CCSER1: variants seen among roughly 807,000 people sequenced by gnomAD.
CCSER1 encodes coiled-coil serine rich protein 1, also known as serine-rich coiled-coil domain-containing protein 1.
Under a neutral mutation model 82.0 loss-of-function variants are expected in CCSER1, and 41 were observed. The observed-to-expected ratio is 0.50, with a 90% CI of 0.39 to 0.65. The LOEUF (loss-of-function observed/expected upper bound fraction) is 0.65. Among genes scored for constraint, CCSER1 ranks in the 30% least tolerant of loss-of-function variants. The probability of loss-of-function intolerance (pLI) is 0.00; values close to 1 mark genes in which losing one functional copy is unlikely to be tolerated. For missense variants in CCSER1, 1,119 were observed against 1,064.2 expected (o/e 1.05, Z -0.72); for synonymous variants, 414 against 383.9 (o/e 1.08, Z -0.92).
At chr4:90,558,103 G>A (rs1421355193) in intron 5 of CCSER1, among the ~76,000 whole-genome samples, 1 of 152,054 alleles carries the variant, frequency 6.6e-6, no homozygotes, top group Non-Finnish European at 1.5e-5. Context: ...TCTATCACTG[G>A]TATGTGCTTG....
chr4:91,478,756 A>G (rs1757728751), intron 10 of CCSER1, among the ~76,000 whole-genome samples: 1 of 151,920 alleles, frequency 6.6e-6, no homozygotes. Context: ...TTATATTTCT[A>G]TACCTACTTT....
intron 5 of CCSER1, among the ~76,000 whole-genome samples, chr4:90,567,905 C>T (rs1779600421): frequency 6.6e-6 from 1 of 152,210 alleles, no homozygotes; most frequent in South Asian, 2.1e-4. Flanking sequence ...TTATTCCCCC[C>T]AACCTGATGA....
At chr4:90,821,624 C>T (rs1275327266) in intron 8 of CCSER1, among the ~76,000 whole-genome samples, 6 of 151,800 alleles carry the variant, frequency 4.0e-5, no homozygotes, top group African/African-American at 1.5e-4. Flanking sequence ...GACCAAAAGT[C>T]TAAACATAAT....
At chr4:91,547,251 C>A (rs955203729) in intron 10 of CCSER1, among the ~76,000 whole-genome samples, 1 of 151,960 alleles carries the variant, frequency 6.6e-6, no homozygotes, top group Non-Finnish European at 1.5e-5. Flanking sequence ...TAGTAATGTC[C>A]TTACTAATTT....
chr4:90,280,429 A>G (rs1728652834), intron 1 of CCSER1, among the ~76,000 whole-genome samples: 1 of 151,254 alleles, frequency 6.6e-6, no homozygotes, highest in Non-Finnish European at 1.5e-5. Context: ...TTTAAATCAC[A>G]AGGACTCACT....
At chr4:90,391,716 G>A (rs1751184328) in intron 3 of CCSER1, among the ~76,000 whole-genome samples, 1 of 151,178 alleles carries the variant, frequency 6.6e-6, no homozygotes, top group African/African-American at 2.4e-5. Flanking sequence ...GAAGTTTATG[G>A]GAACACAGAT....
chr4:90,157,416 G>A (rs988460626), intron 1 of CCSER1, among the ~76,000 whole-genome samples: 9 of 150,956 alleles, frequency 6.0e-5, no homozygotes, highest in African/African-American at 1.9e-4. Flanking sequence ...TCTGAATGTT[G>A]GCCTGCCTTG....
At chr4:90,851,636 G>C (rs545793870) in intron 8 of CCSER1, among the ~76,000 whole-genome samples, 6 of 144,062 alleles carry the variant, frequency 4.2e-5, no homozygotes, top group Non-Finnish European at 9.0e-5. Flanking sequence ...ACTCAAACAA[G>C]TATTCTAAAG....
chr4:90,439,527 A>G (rs1258719890), intron 4 of CCSER1, among the ~76,000 whole-genome samples: 1 of 152,196 alleles, frequency 6.6e-6, no homozygotes, highest in East Asian at 1.9e-4. Context: ...GTTAGAAATC[A>G]GTTTATTCTG....
intron 8 of CCSER1, among the ~76,000 whole-genome samples, chr4:90,887,192 G>A (rs1722256185): frequency 6.6e-6 from 1 of 152,092 alleles, no homozygotes; most frequent in Admixed American, 6.6e-5. Flanking sequence ...AGGCCACCAA[G>A]AAGAATTATA....
At chr4:91,022,965 A>C (rs34802075) in intron 9 of CCSER1, among the ~76,000 whole-genome samples, 6 of 151,916 alleles carry the variant, frequency 3.9e-5, no homozygotes, top group Admixed American at 1.3e-4. Flanking sequence ...TAGGTTGCCT[A>C]TTCACTCTGA....
At chr4:90,591,096 G>A (rs1782636993) in intron 5 of CCSER1, among the ~76,000 whole-genome samples, 1 of 152,064 alleles carries the variant, frequency 6.6e-6, no homozygotes, top group Non-Finnish European at 1.5e-5. Context: ...TTGGCTCTCT[G>A]CTTGTCTAAT....
chr4:91,202,454 A>C (rs1017710028), intron 10 of CCSER1, among the ~76,000 whole-genome samples: 2 of 151,990 alleles, frequency 1.3e-5, no homozygotes. Context: ...CTCTATGAAA[A>C]AGTATATATT....
intron 9 of CCSER1, 79 bp downstream of exon 9, chr4:90,923,526 T>A: frequency 1.1e-6 from 1 of 936,818 alleles, no homozygotes; most frequent in Non-Finnish European, 1.7e-6. Flanking sequence ...CTGCGGCTGC[T>A]GTGTCCATGC....
chr4:91,273,079 C>A (rs1245661894), intron 10 of CCSER1, among the ~76,000 whole-genome samples: 1 of 151,612 alleles, frequency 6.6e-6, no homozygotes, highest in African/African-American at 2.4e-5. Context: ...GCTATGCTGG[C>A]TCTTTTTTTG....
rs1733456334 is a variant in CCSER1 at position 90,180,136 on chromosome 4, ATAT to A, written c.-42+52306_-42+52308del. On this transcript the variant is annotated intron_variant, in intron 1 of 10. Coordinates refer to ENST00000509176, the MANE Select transcript of CCSER1 (RefSeq NM_001145065.2). ...CTTATGTAGTTATATATATATATAT[ATAT>A]ATAAATTATATTTTGCTTTTGTTAT... Among the ~76,000 whole-genome samples, 14 of 148,926 alleles carry A rather than the reference ATAT, an allele frequency of 9.4e-5. No homozygotes were observed. The South Asian group carries it at 2.7e-3, about 29-fold the overall frequency.
At chr4:91,570,226 A>T (rs1243196349) in intron 10 of CCSER1, among the ~76,000 whole-genome samples, 1 of 152,046 alleles carries the variant, frequency 6.6e-6, no homozygotes, top group Non-Finnish European at 1.5e-5. Flanking sequence ...GGTTGCTTTC[A>T]TGGGTTGGCA....
chr4:90,304,006 C>G (rs1733716254), intron 1 of CCSER1, among the ~76,000 whole-genome samples: 1 of 152,098 alleles, frequency 6.6e-6, no homozygotes, highest in South Asian at 2.1e-4. Context: ...TGAACAGACA[C>G]TTCTCGAAGA....
intron 4 of CCSER1, among the ~76,000 whole-genome samples, chr4:90,460,324 C>CAAAAAAAAAAAAAAAAAAAAAAA (rs751331396): frequency 1.2e-4 from 4 of 32,638 alleles, no homozygotes; most frequent in African/African-American, 2.9e-4. Flanking sequence ...AACTCCGTCT[C>CAAAAAAAAAAAAAAAAAAAAAAA]AAAAAAAAAA....
Sources: allele counts gnomAD v4.1 joint callset (sites outside exome capture counted in the v4.1 genomes callset), GRCh38; gene constraint gnomAD v4.1.1; transcripts MANE v1.5; gene names NCBI Gene and HGNC (gene_info 2026-07-23, HGNC 2026-07-21).